PLXNA4: variants seen among roughly 807,000 people sequenced by gnomAD.
The protein encoded by PLXNA4 is plexin-A4.
Under a neutral mutation model 191.8 loss-of-function variants are expected in PLXNA4, and 44 were observed. That is an observed-to-expected ratio of 0.23 (90% CI 0.18 to 0.29). PLXNA4 has a LOEUF of 0.29. PLXNA4 is among the 10% of genes least tolerant of loss of function. The pLI, the probability that PLXNA4 is intolerant of heterozygous loss-of-function variation, is 1.00. For missense variants in PLXNA4, 1,800 were observed against 2,488.8 expected (o/e 0.72, Z 5.89); for synonymous variants, 1,082 against 1,009.5 (o/e 1.07, Z -1.36).
chr7:132,147,307 G>A (rs1241959766), intron 27 of PLXNA4, among the ~76,000 whole-genome samples: 1 of 152,174 alleles, frequency 6.6e-6, no homozygotes, highest in African/African-American at 2.4e-5. Flanking sequence ...TGATTATCTA[G>A]AATGATCCTG....
chr7:132,580,286 A>G (rs1802378422), upstream of PLXNA4, among the ~76,000 whole-genome samples: 1 of 152,204 alleles, frequency 6.6e-6, no homozygotes, highest in South Asian at 2.1e-4. Context: ...CAAAAGCAGC[A>G]TCTTACCACA....
At chr7:132,205,691 A>G (rs140377741) in intron 10 of PLXNA4, among the ~76,000 whole-genome samples, 1 of 152,172 alleles carries the variant, frequency 6.6e-6, no homozygotes, top group African/African-American at 2.4e-5. Flanking sequence ...TTTCACCCCA[A>G]GCTGAGCACC....
intron 3 of PLXNA4, among the ~76,000 whole-genome samples, chr7:132,319,005 G>C (rs1584985979): frequency 6.6e-6 from 1 of 152,146 alleles, no homozygotes; most frequent in African/African-American, 2.4e-5. Flanking sequence ...TGGTCCAACC[G>C]TGGAAGGGAA....
intron 9 of PLXNA4, among the ~76,000 whole-genome samples, chr7:132,214,590 G>A (rs548284847): frequency 5.9e-5 from 9 of 151,772 alleles, no homozygotes; most frequent in Non-Finnish European, 1.0e-4. Context: ...GACCTGCCCC[G>A]CGCTGAGATT....
At chr7:132,491,544 T>C (rs1797800559) in intron 2 of PLXNA4, among the ~76,000 whole-genome samples, 1 of 151,794 alleles carries the variant, frequency 6.6e-6, no homozygotes, top group Non-Finnish European at 1.5e-5. Context: ...AGAGCAGACA[T>C]CCACTCCAGG....
chr7:132,318,900 T>C (rs1035572848), intron 3 of PLXNA4, among the ~76,000 whole-genome samples: 3 of 152,134 alleles, frequency 2.0e-5, no homozygotes, highest in Non-Finnish European at 4.4e-5. Flanking sequence ...CTCTGTTGAA[T>C]TCTGCATTTT....
At chr7:132,270,884 TA>T (rs1800042766) in intron 4 of PLXNA4, among the ~76,000 whole-genome samples, 4 of 152,212 alleles carry the variant, frequency 2.6e-5, no homozygotes, top group Admixed American at 6.5e-5. Flanking sequence ...TAGAGAATTA[TA>T]GAAAAATGTT....
chr7:132,604,762 T>C (rs1802891212), intron 2 of PLXNA4, among the ~76,000 whole-genome samples: 1 of 152,178 alleles, frequency 6.6e-6, no homozygotes, highest in Admixed American at 6.5e-5. Flanking sequence ...GATAAGCCAT[T>C]TCTCTGTACA....
chr7:132,444,376 T>A (rs562544766), intron 3 of PLXNA4, among the ~76,000 whole-genome samples: 22 of 152,346 alleles, frequency 1.4e-4, no homozygotes, highest in African/African-American at 5.3e-4. Flanking sequence ...TCCCTCAGCC[T>A]CCCGAGTAGC....
At chr7:132,185,843 C>T (rs1796862004) in intron 15 of PLXNA4, among the ~76,000 whole-genome samples, 1 of 152,152 alleles carries the variant, frequency 6.6e-6, no homozygotes, top group Admixed American at 6.5e-5. Flanking sequence ...GATGTATCCT[C>T]TTAGTGATTT....
rs560863528 is a variant in PLXNA4 at position 132,497,152 on chromosome 7, A to G, written c.1189-7678T>C. On this transcript the variant is annotated intron_variant, in intron 2 of 31. Coordinates refer to ENST00000321063, the MANE Select transcript of PLXNA4 (RefSeq NM_020911.2). ...CACACACACACACACACATACACATATCCTGGTTGCTGACCATAGCACACC... is the reference window on the plus strand; with the variant it reads ...CACACACACACACACACATACACATGTCCTGGTTGCTGACCATAGCACACC... 1.2e-4 allele frequency among the ~76,000 whole-genome samples: 18 copies of G among 152,262 alleles called. No individual in the cohort carries two copies. The East Asian group carries it at 3.5e-3, about 29-fold the overall frequency.
intron 2 of PLXNA4, among the ~76,000 whole-genome samples, chr7:132,628,351 GCTCTCT>G (rs373888868): frequency 1.4e-5 from 2 of 147,286 alleles, no homozygotes; most frequent in African/African-American, 2.5e-5. Context: ...TCTCTCTCTC[GCTCTCT>G]CTCTCTCTCT....
intron 3 of PLXNA4, among the ~76,000 whole-genome samples, chr7:132,328,817 C>A (rs376739265): frequency 1.0e-3 from 157 of 152,280 alleles, no homozygotes; most frequent in African/African-American, 3.5e-3. Context: ...AGGTGCTCTA[C>A]AAGCATGATT....
At chr7:132,443,691 C>T (rs1360105407) in intron 3 of PLXNA4, among the ~76,000 whole-genome samples, 1 of 152,218 alleles carries the variant, frequency 6.6e-6, no homozygotes, top group African/African-American at 2.4e-5. Context: ...CGTCTGCATC[C>T]TTTCTTTATT....
upstream of PLXNA4, among the ~76,000 whole-genome samples, chr7:132,579,509 G>A (rs955246773): frequency 1.3e-4 from 20 of 151,350 alleles, no homozygotes; most frequent in African/African-American, 4.1e-4. Flanking sequence ...ATGGATGGAC[G>A]GGAAGTCAAA....
chr7:132,133,404 C>T (rs1360166216), intron 30 of PLXNA4, among the ~76,000 whole-genome samples: 1 of 152,134 alleles, frequency 6.6e-6, no homozygotes, highest in East Asian at 1.9e-4. Context: ...CTCTGCAGCT[C>T]TGGATGCAGG....
At chr7:132,356,619 G>A (rs1463016499) in intron 3 of PLXNA4, among the ~76,000 whole-genome samples, 7 of 152,228 alleles carry the variant, frequency 4.6e-5, no homozygotes, top group African/African-American at 1.4e-4. Context: ...CCAAAACAGA[G>A]TAAGGCTACG....
rs533164400 is a variant in PLXNA4 at position 132,584,737 on chromosome 7, C to T, written c.-87+61191G>A. Among the ~76,000 whole-genome samples the T allele has an allele frequency of 7.2e-5, 11 of 152,162 alleles. No individual in the cohort carries two copies. The South Asian group carries it at 2.1e-3, about 29-fold the overall frequency. ...GCAGAAACCTGAGTGAGAAACAGAGCGATATGTATTTTCTTAATTTATTGT... is the reference window on the plus strand; with the variant it reads ...GCAGAAACCTGAGTGAGAAACAGAGTGATATGTATTTTCTTAATTTATTGT... On this transcript the variant is annotated intron_variant, in intron 2 of 4. Coordinates refer to the PLXNA4 transcript ENST00000378539.
At chr7:132,250,811 A>C (rs1799220462) in intron 4 of PLXNA4, among the ~76,000 whole-genome samples, 1 of 152,192 alleles carries the variant, frequency 6.6e-6, no homozygotes, top group Non-Finnish European at 1.5e-5. Context: ...CAGTTGCTGC[A>C]GGGATTTGTC....
Sources: gnomAD v4.1 joint callset for allele counts (sites outside exome capture counted in the v4.1 genomes callset) on GRCh38, gnomAD v4.1.1 for gene constraint, MANE v1.5 for transcripts, NCBI Gene and HGNC (gene_info 2026-07-23, HGNC 2026-07-21) for gene names.